CSMD3: variants seen among roughly 807,000 people sequenced by gnomAD.
The protein encoded by CSMD3 is CUB and Sushi multiple domains 3.
In CSMD3, 177 loss-of-function variants were observed where a neutral mutation model predicts 435.2. The observed-to-expected ratio is 0.41, with a 90% confidence interval of 0.36 to 0.46. The LOEUF (loss-of-function observed/expected upper bound fraction) is 0.46, where lower values mean the gene tolerates loss of function less well. CSMD3 is among the 20% of genes least tolerant of loss of function. The pLI is 0.34. For synonymous variants in CSMD3, 1,656 were observed against 1,520.5 expected, an observed-to-expected ratio of 1.09 and a Z score of -2.07; for missense variants, 4,265 against 4,504.6, an observed-to-expected ratio of 0.95 and a Z score of 1.52.
chr8:112,743,309 T>G (rs867535696), intron 13 of CSMD3, among the ~76,000 whole-genome samples: 1 of 150,026 alleles, frequency 6.7e-6, no homozygotes, highest in Non-Finnish European at 1.5e-5. Flanking sequence ...AAAAAAAAAA[T>G]AAATAAATAA....
intron 35 of CSMD3, among the ~76,000 whole-genome samples, chr8:112,401,520 A>G (rs1182568114): frequency 6.6e-6 from 1 of 152,130 alleles, no homozygotes; most frequent in Non-Finnish European, 1.5e-5. Flanking sequence ...GGTTAAATAT[A>G]TACTTGCAAG....
intron 11 of CSMD3, among the ~76,000 whole-genome samples, chr8:112,848,970 C>A (rs181463179): frequency 2.4e-4 from 36 of 152,106 alleles, no homozygotes; most frequent in African/African-American, 7.5e-4. Flanking sequence ...AGTGATGTGA[C>A]GCAAATTTAA....
chr8:112,862,938 A>G (rs2129921220), intron 10 of CSMD3, among the ~76,000 whole-genome samples: 1 of 152,174 alleles, frequency 6.6e-6, no homozygotes, highest in South Asian at 2.1e-4. Flanking sequence ...TTCTGTCAGG[A>G]ATGTCACTGT....
chr8:113,060,724 G>T (rs1382044973), intron 5 of CSMD3, among the ~76,000 whole-genome samples: 2 of 152,062 alleles, frequency 1.3e-5, no homozygotes, highest in Admixed American at 1.3e-4. Context: ...AAAAAGCAAA[G>T]GGGTTGTCTC....
intron 13 of CSMD3, among the ~76,000 whole-genome samples, chr8:112,742,659 A>G (rs889122833): frequency 1.5e-4 from 23 of 152,010 alleles, no homozygotes; most frequent in African/African-American, 5.3e-4. Context: ...AAATTCATGA[A>G]ATAGAAACAT....
intron 5 of CSMD3, among the ~76,000 whole-genome samples, chr8:113,029,221 T>C (rs776075748): frequency 3.3e-5 from 5 of 151,484 alleles, no homozygotes; most frequent in African/African-American, 7.3e-5. Context: ...TTGGTGCAAA[T>C]TATTTTGACA....
intron 1 of CSMD3, among the ~76,000 whole-genome samples, chr8:113,373,251 C>T (rs1314959609): frequency 6.6e-6 from 1 of 151,878 alleles, no homozygotes. Flanking sequence ...GTACTCAAAA[C>T]CACTCAGGAA....
At chr8:112,811,509 G>C (rs897285863) in intron 12 of CSMD3, among the ~76,000 whole-genome samples, 22 of 152,018 alleles carry the variant, frequency 1.4e-4, no homozygotes, top group African/African-American at 5.3e-4. Flanking sequence ...CTGTCTTCCT[G>C]TTTCACTGAG....
At chr8:112,308,860 G>C (rs1158079602) in intron 50 of CSMD3, among the ~76,000 whole-genome samples, 2 of 152,052 alleles carry the variant, frequency 1.3e-5, no homozygotes, top group Non-Finnish European at 2.9e-5. Context: ...AGAGGTAAGA[G>C]AAAGAAAAAT....
chr8:112,316,724 T>A (rs1822510922), intron 47 of CSMD3, among the ~76,000 whole-genome samples: 1 of 151,872 alleles, frequency 6.6e-6, no homozygotes, highest in Non-Finnish European at 1.5e-5. Context: ...TTTAAAGTGC[T>A]CAAAATCTCC....
chr8:112,260,625 T>A (rs187178872), intron 61 of CSMD3, among the ~76,000 whole-genome samples: 209 of 152,246 alleles, frequency 1.4e-3, no homozygotes, highest in Non-Finnish European at 9.7e-4. Flanking sequence ...CATATACTCA[T>A]CTTTGTAAAA....
chr8:112,494,395 T>TTTTTCTTTTC (rs770249659), intron 30 of CSMD3, among the ~76,000 whole-genome samples: 2,391 of 150,888 alleles, frequency 0.016, 34 homozygotes, highest in Non-Finnish European at 0.023. Context: ...TACTATTTTC[T>TTTTTCTTTTC]TTTTCTTTTC....
At chr8:113,369,292 T>A (rs929010403) in intron 1 of CSMD3, among the ~76,000 whole-genome samples, 2 of 151,958 alleles carry the variant, frequency 1.3e-5, no homozygotes, top group African/African-American at 2.4e-5. Flanking sequence ...ATTCTTACTA[T>A]CTATATTTAT....
intron 1 of CSMD3, among the ~76,000 whole-genome samples, chr8:113,411,402 C>T (rs963766547): frequency 3.3e-5 from 5 of 152,078 alleles, no homozygotes; most frequent in South Asian, 4.1e-4. Context: ...CTTGTGTTCC[C>T]GTTCAAACAA....
At chr8:112,626,707 A>G (rs1470213999) in intron 22 of CSMD3, among the ~76,000 whole-genome samples, 2 of 152,098 alleles carry the variant, frequency 1.3e-5, no homozygotes, top group East Asian at 3.9e-4. Flanking sequence ...ATTCAGTTAT[A>G]AGCAGCGTTA....
intron 32 of CSMD3, among the ~76,000 whole-genome samples, chr8:112,468,354 G>T (rs1818177835): frequency 6.7e-6 from 1 of 150,118 alleles, no homozygotes; most frequent in East Asian, 2.0e-4. Context: ...TGGAGTAAGA[G>T]AAAATAAACA....
chr8:112,643,021 A>G (rs2131604504), intron 20 of CSMD3, among the ~76,000 whole-genome samples: 1 of 152,276 alleles, frequency 6.6e-6, no homozygotes, highest in Admixed American at 6.5e-5. Flanking sequence ...TTATCTTATG[A>G]TGAATTAAAG....
intron 10 of CSMD3, among the ~76,000 whole-genome samples, chr8:112,909,769 G>A (rs1169770555): frequency 1.3e-5 from 2 of 151,780 alleles, no homozygotes; most frequent in East Asian, 1.9e-4. Context: ...TATCTCAGAA[G>A]TAAATCGGTG....
intron 54 of CSMD3, 147 bp from the exon 55 acceptor site, chr8:112,292,857 T>C: frequency 1.4e-6 from 1 of 725,348 alleles, no homozygotes; most frequent in Non-Finnish European, 2.4e-6. Flanking sequence ...GAAAGTACAT[T>C]TACTAATGTA....
Sources: gnomAD v4.1 joint callset for allele counts (sites outside exome capture counted in the v4.1 genomes callset) on GRCh38, gnomAD v4.1.1 for gene constraint, MANE v1.5 for transcripts, NCBI Gene and HGNC (gene_info 2026-07-23, HGNC 2026-07-21) for gene names.